The following ANK3 variants were observed in gnomAD, a reference collection of about 807,000 sequenced individuals.
ANK3 encodes the protein ankyrin-3.
Under a neutral mutation model 370.9 loss-of-function variants are expected in ANK3, and 57 were observed. The ratio of observed to expected loss-of-function variants is 0.15; its 90% CI spans 0.12 to 0.19. The LOEUF (loss-of-function observed/expected upper bound fraction) is 0.19. Among genes scored for constraint, ANK3 ranks in the 10% least tolerant of loss-of-function variants. ANK3 has a pLI of 1.00. For synonymous variants in ANK3, 1,929 were observed against 1,946.3 expected (o/e 0.99, Z 0.23); for missense variants, 4,439 against 5,302.1 (o/e 0.84, Z 5.06).
rs141298554 is a variant in ANK3, at chr10:60,102,991, G to A, written c.3328+2914C>T. 4.4e-3 allele frequency among the ~76,000 whole-genome samples: 673 copies of A among 151,566 alleles called. 6 individuals carry two copies. The highest frequency in any genetic ancestry group is 0.014 in the African/African-American group (563 of 41,284). ...TTTTCTGAGACAAAGTCTTGCTGTCGTCAGGCTGGAGTGCAGTGGCGCGAT... is the reference window on the plus strand; with the variant it reads ...TTTTCTGAGACAAAGTCTTGCTGTCATCAGGCTGGAGTGCAGTGGCGCGAT... On this transcript the variant is annotated intron_variant, in intron 28 of 43. Coordinates refer to ENST00000280772, the MANE Select transcript of ANK3 (RefSeq NM_020987.5).
chr10:60,187,331 A>C (rs1488951805), intron 16 of ANK3, among the ~76,000 whole-genome samples: 1 of 151,386 alleles, frequency 6.6e-6, no homozygotes, highest in Non-Finnish European at 1.5e-5. Flanking sequence ...AATTTTTTGT[A>C]TTTTTAGTAG....
chr10:60,208,994 A>T (rs1223153826), intron 9 of ANK3, among the ~76,000 whole-genome samples: 7 of 152,180 alleles, frequency 4.6e-5, no homozygotes, highest in African/African-American at 1.7e-4. Context: ...AGCGAGTTGA[A>T]AATTCATTTA....
At chr10:60,364,541 T>TG (rs199866459) in intron 1 of ANK3, among the ~76,000 whole-genome samples, 3,678 of 151,194 alleles carry the variant, frequency 0.024, 68 homozygotes, top group Middle Eastern at 0.051. Context: ...TGGGGCCTGT[T>TG]GGGGGGTGGG....
At chr10:60,155,808 T>C (rs1017709082) in intron 23 of ANK3, among the ~76,000 whole-genome samples, 1 of 152,194 alleles carries the variant, frequency 6.6e-6, no homozygotes, top group Admixed American at 6.5e-5. Context: ...TGCTGGATGC[T>C]TCCTGCCTCA....
chr10:60,059,134 A>C (rs926735276), intron 41 of ANK3, among the ~76,000 whole-genome samples: 1 of 152,194 alleles, frequency 6.6e-6, no homozygotes, highest in Admixed American at 6.5e-5. Context: ...ATTTTCTTGT[A>C]TTTTATTTCA....
intron 1 of ANK3, among the ~76,000 whole-genome samples, chr10:60,312,409 T>C (rs2046540614): frequency 6.6e-6 from 1 of 152,202 alleles, no homozygotes; most frequent in Non-Finnish European, 1.5e-5. Context: ...AAATGTCTGC[T>C]CCTTATTGAT....
At position 60,249,621 on chromosome 10, in the gene ANK3, A is replaced by T. The variant is rs550161576; in HGVS notation, c.798+12238T>A. On this transcript the variant is annotated intron_variant, in intron 7 of 43. Coordinates refer to ENST00000280772, the MANE Select transcript of ANK3 (RefSeq NM_020987.5). ...TTCAAACATGTCAAGAAATGAAAAC[A>T]ATGTCTTTGAAGTTTCTAAAGAAAG... Among the ~76,000 whole-genome samples the T allele has an allele frequency of 2.0e-5, 3 of 152,302 alleles. No homozygotes were observed. In the South Asian group the frequency reaches 6.2e-4, roughly 32 times the overall value.
chr10:60,213,700 C>A (rs2096891334), intron 8 of ANK3, among the ~76,000 whole-genome samples, 190 bp from the exon 9 acceptor site: 1 of 152,112 alleles, frequency 6.6e-6, no homozygotes, highest in Non-Finnish European at 1.5e-5. Flanking sequence ...GTTTAAGTAG[C>A]TGCAAAGTAT....
chr10:60,574,203 A>T (rs2077653737), intron 2 of ANK3, among the ~76,000 whole-genome samples: 1 of 152,148 alleles, frequency 6.6e-6, no homozygotes, highest in Non-Finnish European at 1.5e-5. Context: ...TACACCTGAA[A>T]CACCAGTCCC....
intron 2 of ANK3, among the ~76,000 whole-genome samples, chr10:60,479,917 G>C (rs913100669): frequency 6.6e-6 from 1 of 152,154 alleles, no homozygotes; most frequent in Admixed American, 6.5e-5. Context: ...ATTACTTGAG[G>C]GAAGGGGCTT....
intron 20 of ANK3, among the ~76,000 whole-genome samples, chr10:60,172,674 T>A (rs1591233425): frequency 6.6e-6 from 1 of 152,216 alleles, no homozygotes; most frequent in African/African-American, 2.4e-5. Flanking sequence ...CATGTGTACT[T>A]CCTACTAGGT....
At position 60,696,324 on chromosome 10, in the gene ANK3, C is replaced by A. The variant is rs1284535572; in HGVS notation, c.57+36939G>T. Among the ~76,000 whole-genome samples, 22 of 149,004 alleles carry A rather than the reference C, an allele frequency of 1.5e-4. 1 individual carries two copies. The South Asian group carries it at 4.8e-3, about 33-fold the overall frequency. On this transcript the variant is annotated intron_variant, in intron 1 of 43. Coordinates refer to the ANK3 transcript ENST00000373827. ...TCACAGCCGAATTCTACCAGAGGTA[C>A]AAGGAGGAGCTGGTACCATTCCTTC...
intron 1 of ANK3, among the ~76,000 whole-genome samples, chr10:60,387,327 TAAAG>T (rs1362492868): frequency 6.6e-6 from 1 of 152,126 alleles, no homozygotes; most frequent in Non-Finnish European, 1.5e-5. Flanking sequence ...AAGGTGGGGA[TAAAG>T]AAACTCAAAG....
intron 1 of ANK3, among the ~76,000 whole-genome samples, chr10:60,660,335 G>C (rs1229855972): frequency 6.6e-6 from 1 of 152,154 alleles, no homozygotes; most frequent in East Asian, 1.9e-4. Context: ...AGGATGCAGA[G>C]AGTCTTCAAA....
chr10:60,455,114 A>G (rs1362217997), intron 2 of ANK3, among the ~76,000 whole-genome samples: 1 of 152,204 alleles, frequency 6.6e-6, no homozygotes, highest in Non-Finnish European at 1.5e-5. Context: ...ATAAAACAGA[A>G]AAAAAGAGGT....
At chr10:60,572,422 C>G in intron 2 of ANK3, 1 of 1,521,626 alleles carries the variant, frequency 6.6e-7, no homozygotes, top group East Asian at 2.5e-5. Context: ...CTCCCCAGAG[C>G]CAGAGAACAA....
chr10:60,714,485 A>C (rs2079754438), intron 1 of ANK3, among the ~76,000 whole-genome samples: 1 of 152,208 alleles, frequency 6.6e-6, no homozygotes, highest in African/African-American at 2.4e-5. Flanking sequence ...CAGATGTAAG[A>C]GTCCTCAACA....
chr10:60,541,975 C>T (rs775852134), intron 2 of ANK3, among the ~76,000 whole-genome samples: 11 of 151,872 alleles, frequency 7.2e-5, no homozygotes, highest in Non-Finnish European at 1.5e-4. Flanking sequence ...AAATCTGCTT[C>T]CTTGGGACTG....
At chr10:60,666,490 T>G (rs1485060682) in intron 1 of ANK3, among the ~76,000 whole-genome samples, 3 of 151,972 alleles carry the variant, frequency 2.0e-5, no homozygotes, top group Non-Finnish European at 1.5e-5. Context: ...ATGAAAAGAG[T>G]TCTGGAGATG....
Sources: allele counts gnomAD v4.1 joint callset (sites outside exome capture counted in the v4.1 genomes callset), GRCh38; gene constraint gnomAD v4.1.1; transcripts MANE v1.5; gene names NCBI Gene and HGNC (gene_info 2026-07-23, HGNC 2026-07-21).